The following ADAM12 variants were observed in gnomAD, a reference collection of about 807,000 sequenced individuals.
The protein encoded by ADAM12 is disintegrin and metalloproteinase domain-containing protein 12.
Under a neutral mutation model 106.4 loss-of-function variants are expected in ADAM12, and 70 were observed. The observed-to-expected ratio is 0.66, with a 90% CI of 0.54 to 0.80. The LOEUF (loss-of-function observed/expected upper bound fraction) is 0.80. Among genes scored for constraint, ADAM12 ranks in the 30% least tolerant of loss-of-function variants. The pLI, the probability that ADAM12 is intolerant of heterozygous loss-of-function variation, is 0.00. For synonymous variants in ADAM12, 420 were observed against 433.5 expected (o/e 0.97, Z 0.39); for missense variants, 1,010 against 1,171.9 (o/e 0.86, Z 2.02).
chr10:126,326,400 G>T (rs1455039199), intron 2 of ADAM12, among the ~76,000 whole-genome samples: 1 of 152,054 alleles, frequency 6.6e-6, no homozygotes, highest in South Asian at 2.1e-4. Flanking sequence ...TTTCTCTTTG[G>T]GGGTGTATAT....
intron 5 of ADAM12, among the ~76,000 whole-genome samples, chr10:126,129,461 G>T (rs1254031696): frequency 6.6e-6 from 1 of 152,180 alleles, no homozygotes; most frequent in Non-Finnish European, 1.5e-5. Context: ...TCTGGGCCAG[G>T]AGCTGGATTC....
At chr10:126,371,743 C>T (rs1348284797) in intron 1 of ADAM12, among the ~76,000 whole-genome samples, 1 of 152,192 alleles carries the variant, frequency 6.6e-6, no homozygotes, top group Non-Finnish European at 1.5e-5. Context: ...TTATTCATGC[C>T]AACCCAATAC....
intron 11 of ADAM12, among the ~76,000 whole-genome samples, chr10:126,090,340 A>C (rs1290009824): frequency 6.6e-6 from 1 of 151,300 alleles, no homozygotes; most frequent in Non-Finnish European, 1.5e-5. Context: ...GGAATCTGTA[A>C]GAGTCATTTT....
At chr10:126,080,153 G>A (rs1319145638) in intron 11 of ADAM12, among the ~76,000 whole-genome samples, 1 of 152,130 alleles carries the variant, frequency 6.6e-6, no homozygotes, top group Non-Finnish European at 1.5e-5. Flanking sequence ...ATGGTACATG[G>A]TCATTGTGCC....
At chr10:126,340,849 T>C (rs1298666440) in intron 1 of ADAM12, among the ~76,000 whole-genome samples, 1 of 151,930 alleles carries the variant, frequency 6.6e-6, no homozygotes, top group Non-Finnish European at 1.5e-5. Flanking sequence ...CCCGAGTAGC[T>C]GGGTTTATAG....
chr10:126,258,754 C>T (rs1958942558), intron 3 of ADAM12, among the ~76,000 whole-genome samples: 1 of 152,254 alleles, frequency 6.6e-6, no homozygotes, highest in Non-Finnish European at 1.5e-5. Context: ...ACCTGGCTGA[C>T]TCCCACAGGT....
chr10:126,232,305 A>G (rs773100619), intron 3 of ADAM12, among the ~76,000 whole-genome samples: 27 of 152,152 alleles, frequency 1.8e-4, no homozygotes, highest in Non-Finnish European at 2.6e-4. Context: ...GATGAGGTCA[A>G]GAACCAGGGT....
intron 3 of ADAM12, among the ~76,000 whole-genome samples, chr10:126,254,376 T>C (rs961597269): frequency 6.6e-6 from 1 of 152,214 alleles, no homozygotes; most frequent in Non-Finnish European, 1.5e-5. Context: ...GCGCAAGTCA[T>C]GTGCTCCCTC....
At chr10:126,040,697 CAAAGTTAATT>C (rs1463652833) in intron 18 of ADAM12, among the ~76,000 whole-genome samples, 2 of 152,148 alleles carry the variant, frequency 1.3e-5, no homozygotes, top group Admixed American at 6.5e-5. Context: ...TGTCTCATAA[CAAAGTTAATT>C]AAAGTTAATT....
In ADAM12 at chr10:126,280,785, G is replaced by A. The variant is rs539688304; in HGVS notation, c.187-1797C>T. Among the ~76,000 whole-genome samples, 24 of 152,200 alleles carry A rather than the reference G, an allele frequency of 1.6e-4. No homozygotes were observed. The South Asian group carries it at 3.1e-3, about 20-fold the overall frequency. On this transcript the variant is annotated intron_variant, in intron 2 of 22. Transcript: ENST00000448723. ...ATTTCCAGATATATGAAATTCTTAC[G>A]TATCTTTTCTGGGTTTACACAGGCC...
In ADAM12 at chr10:126,378,585, C is replaced by T. The variant is rs140195216; in HGVS notation, c.88+9473G>A. 2.7e-3 allele frequency among the ~76,000 whole-genome samples: 410 copies of T among 152,202 alleles called. 3 individuals are homozygous for T. Among genetic ancestry groups the T allele is most frequent in the African/African-American group, 9.6e-3 (400 of 41,532 alleles). The stretch of plus-strand genomic sequence containing the variant: ...GATTAGGGGTATGTGTGTGTGTACA[C>T]ACACACGAACCAACCAACTTCACAG... On this transcript the variant is annotated intron_variant, in intron 1 of 22. Transcript: ENST00000448723.
chr10:126,248,787 C>A (rs1394388044), intron 3 of ADAM12, among the ~76,000 whole-genome samples: 1 of 151,986 alleles, frequency 6.6e-6, no homozygotes, highest in African/African-American at 2.4e-5. Context: ...CTCACTGTAA[C>A]CTCCGCCTCC....
chr10:126,233,750 C>T (rs553531868), intron 3 of ADAM12, among the ~76,000 whole-genome samples: 2 of 152,250 alleles, frequency 1.3e-5, no homozygotes, highest in South Asian at 2.1e-4. Flanking sequence ...TCCCTCCACT[C>T]GCATATTTTA....
intron 5 of ADAM12, among the ~76,000 whole-genome samples, chr10:126,133,848 A>C (rs1439514530): frequency 6.6e-6 from 1 of 152,066 alleles, no homozygotes; most frequent in Admixed American, 6.5e-5. Flanking sequence ...CTTCTCTCTG[A>C]TATGCTACCT....
intron 12 of ADAM12, among the ~76,000 whole-genome samples, chr10:126,068,117 G>A (rs1176876440): frequency 6.6e-6 from 1 of 152,130 alleles, no homozygotes; most frequent in Non-Finnish European, 1.5e-5. Context: ...CTGTCAACCA[G>A]AAGTCATAGC....
At chr10:126,294,865 G>C (rs77465468) in intron 2 of ADAM12, among the ~76,000 whole-genome samples, 2,517 of 151,770 alleles carry the variant, frequency 0.017, 34 homozygotes, top group East Asian at 0.052. Context: ...TTATTAACTA[G>C]AAGAAATTTT....
At position 126,300,558 on chromosome 10, in the gene ADAM12, G is replaced by A. The variant is rs114280683; in HGVS notation, c.187-21570C>T. 5.2e-3 allele frequency among the ~76,000 whole-genome samples: 787 copies of A among 152,172 alleles called. 8 individuals are homozygous for A. The highest frequency in any genetic ancestry group is 0.016 in the African/African-American group (665 of 41,506). ...AATCATGGGTGTATAGATAATTTAC[G>A]GCCAAGACACATTTTAAAAAGACGG... is the stretch of plus-strand genomic sequence containing the variant. On this transcript the variant is annotated intron_variant, in intron 2 of 22. Coordinates refer to ENST00000448723, the MANE Select transcript of ADAM12 (RefSeq NM_001288973.2).
chr10:126,275,001 G>A (rs1162232392), intron 3 of ADAM12, among the ~76,000 whole-genome samples: 2 of 152,180 alleles, frequency 1.3e-5, no homozygotes, highest in Non-Finnish European at 2.9e-5. Flanking sequence ...ATCGTTCTAG[G>A]CAAAATAAGT....
intron 5 of ADAM12, among the ~76,000 whole-genome samples, chr10:126,123,572 C>T (rs774693196): frequency 6.6e-6 from 1 of 152,194 alleles, no homozygotes; most frequent in Non-Finnish European, 1.5e-5. Context: ...CCCTGTGGCA[C>T]TCTTCTAGGA....
Sources: allele counts gnomAD v4.1 joint callset (sites outside exome capture counted in the v4.1 genomes callset), GRCh38; gene constraint gnomAD v4.1.1; transcripts MANE v1.5; gene names NCBI Gene and HGNC (gene_info 2026-07-23, HGNC 2026-07-21).